The following CADPS2 variants were observed in gnomAD, a reference collection of about 807,000 sequenced individuals.
The protein encoded by CADPS2 is calcium dependent secretion activator 2.
A neutral mutation model predicts 172.5 loss-of-function variants in CADPS2; 93 were observed. The ratio of observed to expected loss-of-function variants is 0.54; its 90% CI spans 0.46 to 0.64. The LOEUF is 0.64. Ranked by LOEUF, CADPS2 falls within the 30% of genes least tolerant of loss-of-function variation. The pLI, the probability that CADPS2 is intolerant of heterozygous loss-of-function variation, is 0.00. For missense variants in CADPS2, 1,420 were observed against 1,565.9 expected (o/e 0.91, Z 1.57); for synonymous variants, 546 against 555.2 (o/e 0.98, Z 0.23).
Position 122,387,152 on chromosome 7 carries a change from G to A in CADPS2, c.3186C>T (p.Leu1062=). Residue 1062 remains leucine (L), a synonymous_variant, in exon 24 of 30, where the codon CTC becomes CTT. Transcript: ENST00000449022. The part of the protein sequence containing the change: ...CVKRTRTAFE[L]KLQKASKTTD... Reference sequence around the variant, plus strand: ...TTGTTTTGCTTGCCTTTTGTAGCTTGAGTTCAAATGCAGTTCTTGTTCTAG... The same window carrying A: ...TTGTTTTGCTTGCCTTTTGTAGCTTAAGTTCAAATGCAGTTCTTGTTCTAG... 1.3e-6 allele frequency: 2 copies of A among 1,580,454 alleles called. No homozygotes were observed. The highest frequency in any genetic ancestry group is 1.7e-6 in the Non-Finnish European group (2 of 1,160,988).
chr7:122,682,795 G>C (rs946860680), intron 2 of CADPS2, among the ~76,000 whole-genome samples: 1 of 152,226 alleles, frequency 6.6e-6, no homozygotes, highest in Non-Finnish European at 1.5e-5. Context: ...TTCTGGGTCA[G>C]TTTCCTCATC....
chr7:122,569,687 T>C (rs1295312517), intron 7 of CADPS2, among the ~76,000 whole-genome samples: 1 of 144,674 alleles, frequency 6.9e-6, no homozygotes. Flanking sequence ...AACAGAGATA[T>C]AGATCAATGG....
intron 1 of CADPS2, among the ~76,000 whole-genome samples, chr7:122,860,579 C>T (rs908297414): frequency 1.9e-4 from 29 of 151,728 alleles, no homozygotes; most frequent in Admixed American, 5.3e-4. Context: ...CATTTTAGAA[C>T]CCCCAAGGAT....
chr7:122,684,493 A>G (rs184630244), intron 2 of CADPS2, among the ~76,000 whole-genome samples: 20 of 152,300 alleles, frequency 1.3e-4, no homozygotes, highest in African/African-American at 4.8e-4. Context: ...TTAACATTTT[A>G]TTCTATTTGT....
intron 1 of CADPS2, among the ~76,000 whole-genome samples, chr7:122,738,501 T>C (rs1339318401): frequency 6.6e-6 from 1 of 151,986 alleles, no homozygotes; most frequent in African/African-American, 2.4e-5. Context: ...GGAATGATCC[T>C]TCCATTTCAT....
At chr7:122,499,695 C>T (rs369486711) in intron 9 of CADPS2, among the ~76,000 whole-genome samples, 4 of 152,102 alleles carry the variant, frequency 2.6e-5, no homozygotes, top group Non-Finnish European at 5.9e-5. Flanking sequence ...GAAACTATGA[C>T]GATGGGGTTA....
intron 1 of CADPS2, among the ~76,000 whole-genome samples, chr7:122,779,852 ATT>A (rs1792218057): frequency 1.3e-5 from 2 of 151,934 alleles, no homozygotes; most frequent in African/African-American, 4.8e-5. Flanking sequence ...CCTATGGACT[ATT>A]TACTTCTGGA....
At chr7:122,672,774 C>A (rs1318331043) in intron 2 of CADPS2, among the ~76,000 whole-genome samples, 2 of 152,222 alleles carry the variant, frequency 1.3e-5, no homozygotes, top group Non-Finnish European at 2.9e-5. Flanking sequence ...CCACTGGGCA[C>A]ACAACTTATT....
chr7:122,502,042 T>A lies in CADPS2; in HGVS notation c.1543-10622A>T, dbSNP rs940605273. 3.9e-5 allele frequency among the ~76,000 whole-genome samples: 6 copies of A among 152,118 alleles called. No individual in the cohort carries two copies. In the South Asian group the frequency reaches 1.0e-3, roughly 26 times the overall value. ...CCCGAATAGCAAGCCAATTACCTCT[T>A]AATTTCTGGCAAAGTTATTATTTCA... On this transcript the variant is annotated intron_variant, in intron 9 of 29. Coordinates refer to ENST00000449022, the MANE Select transcript of CADPS2 (RefSeq NM_017954.11).
At chr7:122,415,616 A>G (rs975017138) in intron 18 of CADPS2, among the ~76,000 whole-genome samples, 2 of 152,014 alleles carry the variant, frequency 1.3e-5, no homozygotes, top group South Asian at 2.1e-4. Flanking sequence ...AAAAAAAAAA[A>G]AAAAGAAAAG....
intron 8 of CADPS2, among the ~76,000 whole-genome samples, chr7:122,517,516 T>C (rs751915033): frequency 3.9e-5 from 6 of 152,004 alleles, no homozygotes; most frequent in Admixed American, 6.6e-5. Flanking sequence ...TGAGTTACCA[T>C]CAGCAAATGT....
At chr7:122,593,571 A>G (rs926683920) in intron 6 of CADPS2, among the ~76,000 whole-genome samples, 8 of 152,070 alleles carry the variant, frequency 5.3e-5, no homozygotes, top group Non-Finnish European at 1.0e-4. Flanking sequence ...CATCTCATAG[A>G]AAGTGCACAG....
chr7:122,491,472 T>A (rs1247976078), intron 9 of CADPS2, 52 bp from the exon 10 acceptor site: 2 of 950,920 alleles, frequency 2.1e-6, no homozygotes, highest in African/African-American at 3.4e-5. Flanking sequence ...TTTACCAAAT[T>A]TAACTTTCGT....
chr7:122,521,450 C>T lies in CADPS2; in HGVS notation c.1476-8135G>A, dbSNP rs58309512. Among the ~76,000 whole-genome samples, 590 of 129,950 alleles carry T rather than the reference C, an allele frequency of 4.5e-3. 5 individuals are homozygous for T. Among genetic ancestry groups the T allele is most frequent in the African/African-American group, 0.017 (567 of 33,322 alleles). 85.3% of individuals were successfully genotyped at this position (129,950 alleles called of 152,430 possible). The stretch of plus-strand genomic sequence containing the variant: ...ACTACATTCTTTCTTTTATTTGACC[C>T]CACAAGATTAAGACTTTTTTGCGGG... On this transcript the variant is annotated intron_variant, in intron 8 of 29. Coordinates refer to ENST00000449022, the MANE Select transcript of CADPS2 (RefSeq NM_017954.11).
rs1055325917 is a variant in CADPS2, at chr7:122,376,572, G to A, written c.3387+2796C>T. 6.5e-4 allele frequency among the ~76,000 whole-genome samples: 99 copies of A among 152,088 alleles called. 1 individual carries two copies. The highest frequency in any genetic ancestry group is 5.9e-5 in the Non-Finnish European group (4 of 67,982). ...AAATGTTGGTTTCTCAGGGACTGAG[G>A]GGAGGGAGAAATGGAGAGATATTTG... is the stretch of plus-strand genomic sequence containing the variant. On this transcript the variant is annotated intron_variant, in intron 25 of 29. Transcript: ENST00000449022.
intron 16 of CADPS2, among the ~76,000 whole-genome samples, chr7:122,440,741 C>A (rs1003647226): frequency 6.6e-6 from 1 of 152,014 alleles, no homozygotes; most frequent in Non-Finnish European, 1.5e-5. Flanking sequence ...GTCAATAAAT[C>A]AGGATTACAA....
intron 17 of CADPS2, among the ~76,000 whole-genome samples, chr7:122,437,482 A>G (rs2050776528): frequency 6.6e-6 from 1 of 152,156 alleles, no homozygotes; most frequent in African/African-American, 2.4e-5. Context: ...TTCCTTGAGT[A>G]CCATTTTATA....
intron 1 of CADPS2, among the ~76,000 whole-genome samples, chr7:122,792,820 G>C (rs1795568377): frequency 6.6e-6 from 1 of 152,072 alleles, no homozygotes; most frequent in Non-Finnish European, 1.5e-5. Flanking sequence ...CAAAGCATCT[G>C]GTCTCTCCAG....
intron 6 of CADPS2, among the ~76,000 whole-genome samples, chr7:122,610,483 A>G (rs934953689): frequency 3.9e-5 from 6 of 152,134 alleles, no homozygotes; most frequent in Admixed American, 3.3e-4. Context: ...TTCCATTTTT[A>G]CAAACTATCC....
Sources: allele counts gnomAD v4.1 joint callset (sites outside exome capture counted in the v4.1 genomes callset), GRCh38; gene constraint gnomAD v4.1.1; transcripts MANE v1.5; gene names NCBI Gene and HGNC (gene_info 2026-07-23, HGNC 2026-07-21).